The following TMEM132C variants were observed in gnomAD, a reference collection of about 807,000 sequenced individuals.
TMEM132C encodes the protein transmembrane protein 132C.
Under a neutral mutation model 61.4 loss-of-function variants are expected in TMEM132C, and 29 were observed. The observed-to-expected ratio is 0.47, with a 90% CI of 0.35 to 0.64. The LOEUF (loss-of-function observed/expected upper bound fraction) is 0.64. TMEM132C is among the 30% of genes least tolerant of loss of function. The pLI is 0.00. For synonymous variants in TMEM132C, 656 were observed against 633.1 expected (o/e 1.04, Z -0.54); for missense variants, 1,408 against 1,476.9 (o/e 0.95, Z 0.76).
At chr12:128,661,342 A>C (rs1321476818) in intron 4 of TMEM132C, among the ~76,000 whole-genome samples, 1 of 152,208 alleles carries the variant, frequency 6.6e-6, no homozygotes, top group Non-Finnish European at 1.5e-5. Context: ...CATCACAGCA[A>C]CAGCTAGGTT....
intron 8 of TMEM132C, among the ~76,000 whole-genome samples, chr12:128,700,637 A>T (rs1043131537): frequency 2.0e-5 from 3 of 152,192 alleles, no homozygotes; most frequent in African/African-American, 4.8e-5. Context: ...TTGAAATAGA[A>T]AATCTGAATG....
intron 2 of TMEM132C, among the ~76,000 whole-genome samples, chr12:128,451,651 G>T (rs1003995069): frequency 6.6e-6 from 1 of 152,218 alleles, no homozygotes; most frequent in Middle Eastern, 3.4e-3. Context: ...TGCACTTTCG[G>T]TCTGTACAAA....
intron 4 of TMEM132C, among the ~76,000 whole-genome samples, chr12:128,642,595 C>A (rs1954166091): frequency 6.6e-6 from 1 of 152,136 alleles, no homozygotes; most frequent in South Asian, 2.1e-4. Flanking sequence ...CTCTCTTGCT[C>A]CCTCTCTCGC....
At chr12:128,679,801 A>G (rs1190562927) in intron 5 of TMEM132C, among the ~76,000 whole-genome samples, 1 of 152,222 alleles carries the variant, frequency 6.6e-6, no homozygotes, top group African/African-American at 2.4e-5. Flanking sequence ...AACAAACATA[A>G]AAGCAAGTTC....
At chr12:128,655,843 CTT>C (rs1954320909) in intron 4 of TMEM132C, among the ~76,000 whole-genome samples, 1 of 152,154 alleles carries the variant, frequency 6.6e-6, no homozygotes, top group African/African-American at 2.4e-5. Flanking sequence ...CAGTAGTAGT[CTT>C]TGTCCACCAT....
chr12:128,666,079 GCACA>G (rs58554620), intron 4 of TMEM132C, among the ~76,000 whole-genome samples: 2 of 100,910 alleles, frequency 2.0e-5, no homozygotes, highest in African/African-American at 8.2e-5. Flanking sequence ...AAACACACAG[GCACA>G]CACACACAGG....
At chr12:128,290,508 G>T (rs1483627083) in intron 1 of TMEM132C, among the ~76,000 whole-genome samples, 1 of 152,026 alleles carries the variant, frequency 6.6e-6, no homozygotes, top group Admixed American at 6.6e-5. Context: ...ATTTGGGTGG[G>T]GACACAGAGC....
At chr12:128,427,354 T>C (rs1046890391) in intron 2 of TMEM132C, among the ~76,000 whole-genome samples, 1 of 151,832 alleles carries the variant, frequency 6.6e-6, no homozygotes, top group African/African-American at 2.4e-5. Flanking sequence ...TTTTTTTGTA[T>C]TTATTAGTCC....
intron 1 of TMEM132C, among the ~76,000 whole-genome samples, chr12:128,270,822 A>G (rs918999818): frequency 6.6e-6 from 1 of 152,184 alleles, no homozygotes; most frequent in African/African-American, 2.4e-5. Flanking sequence ...CTATTAAACC[A>G]TCAGATCTCA....
At chr12:128,452,755 T>C (rs1469600313) in intron 2 of TMEM132C, among the ~76,000 whole-genome samples, 1 of 152,102 alleles carries the variant, frequency 6.6e-6, no homozygotes, top group Non-Finnish European at 1.5e-5. Context: ...ATGTGATTTG[T>C]GCATTTCTGG....
intron 1 of TMEM132C, among the ~76,000 whole-genome samples, chr12:128,394,526 C>T (rs1874876168): frequency 6.6e-6 from 1 of 152,210 alleles, no homozygotes; most frequent in East Asian, 1.9e-4. Context: ...TGGGTTAACC[C>T]ATCTGAACTG....
intron 1 of TMEM132C, among the ~76,000 whole-genome samples, chr12:128,313,908 C>T (rs1029804254): frequency 7.9e-5 from 12 of 152,166 alleles, no homozygotes; most frequent in African/African-American, 2.9e-4. Context: ...ATATTTTTCC[C>T]CTAAGAGAGT....
rs541173020 is a variant in TMEM132C, at chr12:128,644,790, G to C, written c.1306-24627G>C. On this transcript the variant is annotated intron_variant, in intron 4 of 8. Transcript: ENST00000435159. ...TCTGGAGGTGTTGACAATATGAGAG[G>C]AGTAAAGTCCGTTTTCCTCTGGTCA... Among the ~76,000 whole-genome samples, 3 of 152,292 alleles carry C rather than the reference G, an allele frequency of 2.0e-5. No individual in the cohort carries two copies. In the East Asian group the frequency reaches 5.8e-4, roughly 29 times the overall value.
intron 2 of TMEM132C, among the ~76,000 whole-genome samples, chr12:128,533,655 C>T (rs1205168998): frequency 6.6e-6 from 1 of 152,064 alleles, no homozygotes; most frequent in Non-Finnish European, 1.5e-5. Context: ...GAATTGGAGC[C>T]CAGACTAATG....
chr12:128,302,181 G>GCC (rs2135919206), intron 1 of TMEM132C, among the ~76,000 whole-genome samples: 2 of 152,300 alleles, frequency 1.3e-5, no homozygotes, highest in Admixed American at 1.3e-4. Context: ...CCTGACATTG[G>GCC]TGAAGTGCTG....
chr12:128,456,017 G>A (rs1019229453), intron 2 of TMEM132C, among the ~76,000 whole-genome samples: 1 of 152,198 alleles, frequency 6.6e-6, no homozygotes, highest in African/African-American at 2.4e-5. Flanking sequence ...AAATACGTCA[G>A]CTTTGCTCTA....
intron 2 of TMEM132C, among the ~76,000 whole-genome samples, chr12:128,532,149 C>G (rs1873335387): frequency 6.6e-6 from 1 of 152,090 alleles, no homozygotes; most frequent in African/African-American, 2.4e-5. Flanking sequence ...AGGAGATGTT[C>G]TTTTATGAGA....
intron 2 of TMEM132C, among the ~76,000 whole-genome samples, chr12:128,532,366 C>T (rs1465273044): frequency 1.3e-5 from 2 of 151,510 alleles, no homozygotes; most frequent in Non-Finnish European, 2.9e-5. Context: ...AGGCCGGGCG[C>T]AGTGGCTCAC....
intron 4 of TMEM132C, among the ~76,000 whole-genome samples, chr12:128,634,807 A>G (rs2135595731): frequency 6.6e-6 from 1 of 152,332 alleles, no homozygotes; most frequent in Non-Finnish European, 1.5e-5. Context: ...CAAACCAAAG[A>G]CTTTGACTCT....
Sources: gnomAD v4.1 joint callset for allele counts (sites outside exome capture counted in the v4.1 genomes callset) on GRCh38, gnomAD v4.1.1 for gene constraint, MANE v1.5 for transcripts, NCBI Gene and HGNC (gene_info 2026-07-23, HGNC 2026-07-21) for gene names.